Variants in NXPH1 observed in about 807,000 individuals in gnomAD.
NXPH1 encodes the protein neurexophilin-1.
A neutral mutation model predicts 23.7 loss-of-function variants in NXPH1; 5 were observed. The ratio of observed to expected loss-of-function variants is 0.21; its 90% confidence interval spans 0.11 to 0.44. The LOEUF is 0.44. Among genes scored for constraint, NXPH1 ranks in the 20% least tolerant of loss-of-function variants. The pLI is 0.99. For synonymous variants in NXPH1, 144 were observed against 122.2 expected, an observed-to-expected ratio of 1.18 and a Z score of -1.18; for missense variants, 324 against 321.6, an observed-to-expected ratio of 1.01 and a Z score of -0.06.
chr7:8,622,513 G>C (rs755837976), intron 2 of NXPH1, among the ~76,000 whole-genome samples: 1 of 152,132 alleles, frequency 6.6e-6, no homozygotes, highest in Non-Finnish European at 1.5e-5. Context: ...TGGCCATAGA[G>C]TAACAAATGA....
At chr7:8,539,640 A>G (rs1818081029) in intron 2 of NXPH1, among the ~76,000 whole-genome samples, 1 of 151,828 alleles carries the variant, frequency 6.6e-6, no homozygotes, top group South Asian at 2.1e-4. Context: ...TTTTTCTCAC[A>G]TTTATATACA....
intron 2 of NXPH1, among the ~76,000 whole-genome samples, chr7:8,512,174 A>G (rs1371873306): frequency 6.6e-6 from 1 of 152,182 alleles, no homozygotes; most frequent in Non-Finnish European, 1.5e-5. Context: ...AAAGGAAGCC[A>G]AGAGAACTTA....
chr7:8,512,718 T>C (rs1196702088), intron 2 of NXPH1, among the ~76,000 whole-genome samples: 6 of 152,134 alleles, frequency 3.9e-5, no homozygotes, highest in Non-Finnish European at 2.9e-5. Context: ...CGGTAACAAA[T>C]ACAAACCACC....
At chr7:8,633,808 G>A (rs990951793) in intron 2 of NXPH1, among the ~76,000 whole-genome samples, 1 of 152,162 alleles carries the variant, frequency 6.6e-6, no homozygotes, top group African/African-American at 2.4e-5. Flanking sequence ...TTTTGTGGAT[G>A]ACAAAACTGA....
At chr7:8,467,506 C>A (rs1294207635) in intron 2 of NXPH1, among the ~76,000 whole-genome samples, 2 of 152,166 alleles carry the variant, frequency 1.3e-5, no homozygotes, top group Non-Finnish European at 2.9e-5. Flanking sequence ...GACTATCTTA[C>A]ATCTTACACT....
At chr7:8,510,813 G>T (rs954082725) in intron 2 of NXPH1, among the ~76,000 whole-genome samples, 9 of 151,980 alleles carry the variant, frequency 5.9e-5, no homozygotes, top group African/African-American at 2.2e-4. Flanking sequence ...TATATTTAAG[G>T]CATTTGCCAC....
At chr7:8,536,704 G>T (rs1375783047) in intron 2 of NXPH1, among the ~76,000 whole-genome samples, 2 of 151,550 alleles carry the variant, frequency 1.3e-5, no homozygotes, top group African/African-American at 4.8e-5. Flanking sequence ...AGAAGAAGAA[G>T]AGAGACTGTT....
intron 2 of NXPH1, among the ~76,000 whole-genome samples, chr7:8,633,126 A>G (rs1285993411): frequency 2.0e-5 from 3 of 152,212 alleles, no homozygotes; most frequent in Non-Finnish European, 2.9e-5. Context: ...TACAACCATA[A>G]TGTATCATTA....
intron 2 of NXPH1, among the ~76,000 whole-genome samples, chr7:8,661,734 G>T (rs192929593): frequency 1.3e-5 from 2 of 152,092 alleles, no homozygotes; most frequent in African/African-American, 4.8e-5. Context: ...ACCAAGGGGA[G>T]ATCAAAATTT....
intron 2 of NXPH1, among the ~76,000 whole-genome samples, chr7:8,451,733 G>T (rs899315090): frequency 6.6e-6 from 1 of 152,192 alleles, no homozygotes; most frequent in African/African-American, 2.4e-5. Flanking sequence ...CTTATATTCA[G>T]AAGTATCCTG....
At chr7:8,539,778 A>G (rs11766293) in intron 2 of NXPH1, among the ~76,000 whole-genome samples, 46,911 of 151,654 alleles carry the variant, frequency 0.31, 7,637 homozygotes, top group East Asian at 0.52. Flanking sequence ...AATAGATACC[A>G]TAATAATGCA....
At chr7:8,666,997 T>C (rs1334836624) in intron 2 of NXPH1, among the ~76,000 whole-genome samples, 1 of 152,114 alleles carries the variant, frequency 6.6e-6, no homozygotes, top group Admixed American at 6.5e-5. Flanking sequence ...GTAACTAACA[T>C]GAGGCTTGCT....
At chr7:8,585,123 T>C (rs1818955248) in intron 2 of NXPH1, among the ~76,000 whole-genome samples, 1 of 152,184 alleles carries the variant, frequency 6.6e-6, no homozygotes, top group Non-Finnish European at 1.5e-5. Flanking sequence ...TATCAGTAAT[T>C]TGGGGGACTT....
chr7:8,702,068 CTTTTG>C (rs1229522780), intron 2 of NXPH1, among the ~76,000 whole-genome samples: 2 of 150,050 alleles, frequency 1.3e-5, no homozygotes, highest in Admixed American at 1.3e-4. Flanking sequence ...CGTATTCTAA[CTTTTG>C]TTGTCTGTGT....
chr7:8,468,238 C>T (rs2057861), intron 2 of NXPH1, among the ~76,000 whole-genome samples: 56,518 of 151,768 alleles, frequency 0.37, 11,021 homozygotes, highest in East Asian at 0.61. Context: ...AAAATAAAGT[C>T]AGACAAATGT....
At chr7:8,672,287 T>G (rs968026042) in intron 2 of NXPH1, among the ~76,000 whole-genome samples, 7 of 151,860 alleles carry the variant, frequency 4.6e-5, no homozygotes, top group African/African-American at 1.5e-4. Context: ...TGAGAACACA[T>G]GGACACTGGA....
At chr7:8,622,861 T>A in intron 2 of NXPH1, among the ~76,000 whole-genome samples, 1 of 152,202 alleles carries the variant, frequency 6.6e-6, no homozygotes, top group Non-Finnish European at 1.5e-5. Flanking sequence ...GGGACATAAC[T>A]AATATATCAT....
chr7:8,665,822 G>A (rs1195347431), intron 2 of NXPH1, among the ~76,000 whole-genome samples: 1 of 150,060 alleles, frequency 6.7e-6, no homozygotes, highest in East Asian at 1.9e-4. Context: ...TTTGTTGTTA[G>A]TGTATAGAAA....
chr7:8,617,746 C>T (rs1255387481), intron 2 of NXPH1, among the ~76,000 whole-genome samples: 1 of 151,944 alleles, frequency 6.6e-6, no homozygotes, highest in African/African-American at 2.4e-5. Flanking sequence ...AACAGGGTGA[C>T]TATAGTCAAT....
Sources: gnomAD v4.1 joint callset for allele counts (sites outside exome capture counted in the v4.1 genomes callset) on GRCh38, gnomAD v4.1.1 for gene constraint, MANE v1.5 for transcripts, NCBI Gene and HGNC (gene_info 2026-07-23, HGNC 2026-07-21) for gene names.